TTN: variants seen among roughly 807,000 people sequenced by gnomAD.
TTN encodes connectin.
Under a neutral mutation model 3,223.0 loss-of-function variants are expected in TTN, and 1,525 were observed. The observed-to-expected ratio is 0.47, with a 90% CI of 0.45 to 0.49. The LOEUF (loss-of-function observed/expected upper bound fraction) is 0.49, where lower values mean the gene tolerates loss of function less well. Ranked by LOEUF, TTN falls within the 20% of genes least tolerant of loss-of-function variation. The pLI, the probability that TTN is intolerant of heterozygous loss-of-function variation, is 0.00. For synonymous variants in TTN, 14,094 were observed against 15,161.0 expected, an observed-to-expected ratio of 0.93 and a Z score of 5.17; for missense variants, 40,786 against 43,424.0, an observed-to-expected ratio of 0.94 and a Z score of 5.40.
At position 178,717,207 on chromosome 2, in the gene TTN, A is replaced by G. The variant is rs753902055; in HGVS notation, c.25527T>C (p.Asn8509=). The G allele has an allele frequency of 3.1e-6, 5 of 1,613,436 alleles. No homozygotes were observed. Among genetic ancestry groups the G allele is most frequent in the South Asian group, 1.1e-5 (1 of 91,072 alleles). ...CTTTGAGAACTGTCAGAGTGGCAGT[A>G]TTTTCTACCAAAGTCATCTTGTAGT... is the stretch of plus-strand genomic sequence containing the variant. ...GGNYKMTLVE[N]TATLTVLKVG... Residue 8509 remains asparagine, a synonymous_variant, in exon 88 of 363, where the codon AAT becomes AAC. Coordinates refer to ENST00000589042, the MANE Select transcript of TTN (RefSeq NM_001267550.2).
chr2:178,789,314 A>T, intron 13 of TTN, 46 bp downstream of exon 13: 1 of 1,607,084 alleles, frequency 6.2e-7, no homozygotes, highest in Non-Finnish European at 8.5e-7. Context: ...ATGTGGTATT[A>T]ATGTATTATA....
In TTN at chr2:178,567,821, T is replaced by C; in HGVS notation, c.78311A>G (p.Glu26104Gly). 1 of 1,613,538 alleles carries C rather than the reference T, an allele frequency of 6.2e-7. No individual in the cohort carries two copies. The highest frequency in any genetic ancestry group is 8.5e-7 in the Non-Finnish European group (1 of 1,179,598). Residue 26104 changes from glutamate to glycine, a missense_variant, in exon 326 of 363, where the codon GAA becomes GGA. Glu to Gly is a moderately conservative substitution (Grantham distance 98). Transcript: ENST00000589042. ...TPEPIMVKRN[E>G]ITLQWTKPVY... The stretch of plus-strand genomic sequence containing the variant: ...AGGTTTGGTCCACTGTAAAGTGATT[T>C]CATTTCTTTTAACCATTATTGGTTC...
chr2:178,799,340 C>T (rs2093932414), intron 6 of TTN, 147 bp downstream of exon 6: 1 of 1,257,664 alleles, frequency 8.0e-7, no homozygotes, highest in Non-Finnish European at 1.1e-6. Flanking sequence ...CGTTTGTATG[C>T]TCCCCTAGAG....
At position 178,548,660 on chromosome 2, in the gene TTN, T is replaced by C. The variant is rs755136924; in HGVS notation, c.92966A>G (p.Asn30989Ser). ...AGTAAGGGTATATTTCCCTGCATCA[T>C]TTCTGTTGCAGTTTTCCACAGTGAG... is the stretch of plus-strand genomic sequence containing the variant. ...STLTVENCNR[N>S]DAGKYTLTVE... Residue 30989 changes from asparagine (N) to serine (S), a missense_variant, in exon 339 of 363, where the codon AAT becomes AGT. Physicochemically the swap from Asn to Ser is conservative, Grantham distance 46. Transcript: ENST00000589042. The surrounding 1 kb of genome is among the most constrained non-coding windows in gnomAD (Gnocchi z 4.3). 7 of 1,613,776 alleles carry C rather than the reference T, an allele frequency of 4.3e-6. No homozygotes were observed. Among genetic ancestry groups the C allele is most frequent in the African/African-American group, 1.3e-5 (1 of 74,934 alleles).
chr2:178,779,495 C>T (rs1239855291), intron 22 of TTN, 33 bp from the exon 23 acceptor site: 1 of 1,263,948 alleles, frequency 7.9e-7, no homozygotes, highest in Non-Finnish European at 1.1e-6. Flanking sequence ...GTTAAAAATA[C>T]ATATCCTTAC....
rs760571970 is a variant in TTN, at chr2:178,568,726, A to T, written c.77406T>A (p.Pro25802=). ...KDLVIEPDVK[P]AFSSYSVQVG... ...CCTGTACACTGTAACTACTGAATGC[A>T]GGTTTTACATCTGGCTCAATTACCA... Residue 25802 remains proline (P), a synonymous_variant, in exon 326 of 363, where the codon CCT becomes CCA. Coordinates refer to ENST00000589042, the MANE Select transcript of TTN (RefSeq NM_001267550.2). 9.9e-6 allele frequency: 16 copies of T among 1,613,230 alleles called. No individual in the cohort carries two copies. Among genetic ancestry groups the T allele is most frequent in the Non-Finnish European group, 1.4e-5 (16 of 1,179,518 alleles).
chr2:178,617,401 A>G lies in TTN; in HGVS notation c.47684T>C (p.Ile15895Thr), dbSNP rs768530598. Residue 15895 changes from isoleucine to threonine, a missense_variant, in exon 254 of 363, where the codon ATA becomes ACA. Ile to Thr is a moderately conservative substitution (Grantham distance 89). Coordinates refer to ENST00000589042, the MANE Select transcript of TTN (RefSeq NM_001267550.2). The part of the protein sequence containing the change: ...KDGGSPILGY[I>T]IERCEEGKDN... ...TTTTCCTTCTTCGCATCGCTCAATT[A>G]TATAGCCTAATATTGGGCTTCCTCC... The G allele has an allele frequency of 8.8e-6, 14 of 1,588,060 alleles. No individual in the cohort carries two copies. Among genetic ancestry groups the G allele is most frequent in the Admixed American group, 1.9e-5 (1 of 53,770 alleles).
rs2093690597 is a variant in TTN at position 178,794,989 on chromosome 2, C to T, written c.1178G>A (p.Gly393Asp). 6.2e-7 allele frequency: 1 copy of T among 1,608,604 alleles called. No homozygotes were observed. Among genetic ancestry groups the T allele is most frequent in the Non-Finnish European group, 8.5e-7 (1 of 1,179,970 alleles). Residue 393 changes from glycine (G) to aspartate (D), a missense_variant, in exon 7 of 363, where the codon GGT (glycine) becomes GAT (aspartate). Physicochemically the swap from Gly to Asp is moderately conservative, Grantham distance 94. Transcript: ENST00000589042. The part of the protein sequence containing the change: ...QEQVTISGAA[G>D]AAASVSASAS... ...ACTGGCCGACACACTGGCGGCAGCA[C>T]CCGCAGCACCACTGATGGTCACTTG...
rs139054950 is a variant in TTN, at chr2:178,776,866, T to A, written c.4998A>T (p.Thr1666=). The part of the protein sequence containing the change: ...PERKLIIPRG[T]YRAKEIAAPE... The stretch of plus-strand genomic sequence containing the variant: ...GGGCTGCAATCTCCTTTGCTCTATA[T>A]GTCCCCCGTGGGATGATTAACTTTC... Residue 1666 remains threonine (T), a synonymous_variant, in exon 28 of 363, where the codon ACA becomes ACT. Coordinates refer to ENST00000589042, the MANE Select transcript of TTN (RefSeq NM_001267550.2). The A allele has an allele frequency of 1.8e-5, 29 of 1,613,676 alleles. 1 individual carries two copies. The African/African-American group carries it at 3.2e-4, about 18-fold the overall frequency.
At chr2:178,798,196 C>T (rs1489240099) in intron 6 of TTN, among the ~76,000 whole-genome samples, 1 of 152,064 alleles carries the variant, frequency 6.6e-6, no homozygotes, top group Non-Finnish European at 1.5e-5. Flanking sequence ...TCAACTATCT[C>T]CTTATTATTC....
Position 178,775,909 on chromosome 2 carries a change from A to T in TTN, c.5955T>A (p.Ile1985=). ...EVVKLKRAER[I]THEKVPEESE... The stretch of plus-strand genomic sequence containing the variant: ...ACTCTTCAGGCACTTTTTCATGGGT[A>T]ATTCTTTCAGCCCTTTTCAACTTCA... The change falls in exon 28 of 363, where the codon ATT becomes ATA. Residue 1985 remains isoleucine, a synonymous_variant. Transcript: ENST00000589042. 6.2e-7 allele frequency: 1 copy of T among 1,614,056 alleles called. No homozygotes were observed. Among genetic ancestry groups the T allele is most frequent in the South Asian group, 1.1e-5 (1 of 91,064 alleles).
At chr2:178,721,280 C>A (rs139489976) in intron 78 of TTN, 78 bp from the exon 79 acceptor site, 28 of 1,221,488 alleles carry the variant, frequency 2.3e-5, no homozygotes, top group Admixed American at 3.5e-5. Context: ...AGCTGAAGAT[C>A]CCATAAATTT....
chr2:178,650,647 T>C (rs757696123), intron 209 of TTN, 104 bp downstream of exon 209: 3 of 1,131,696 alleles, frequency 2.7e-6, no homozygotes, highest in Non-Finnish European at 3.7e-6. Context: ...AATTAAAGGT[T>C]AGAAAATGAC....
At position 178,621,840 on chromosome 2, in the gene TTN, C is replaced by T. The variant is rs1159016407; in HGVS notation, c.45082G>A (p.Glu15028Lys). ...TCACAAAGAATGACTTTACTCTTACCCAGAACTGTCAGCATGCCAGAAGTT... is the reference window on the plus strand; with the variant it reads ...TCACAAAGAATGACTTTACTCTTACTCAGAACTGTCAGCATGCCAGAAGTT... ...ARTSGMLTVL[E>K]EEAVFTKNLA... The change falls in exon 244 of 363, where the codon GAA becomes AAA. Residue 15028 changes from glutamate to lysine, a missense_variant and splice_region_variant. Glu to Lys is a moderately conservative substitution (Grantham distance 56). Coordinates refer to ENST00000589042, the MANE Select transcript of TTN (RefSeq NM_001267550.2). 2 of 1,611,896 alleles carry T rather than the reference C, an allele frequency of 1.2e-6. No homozygotes were observed. The highest frequency in any genetic ancestry group is 2.2e-5 in the South Asian group (2 of 90,954).
At chr2:178,785,388 T>C (rs1433804595) in intron 15 of TTN, among the ~76,000 whole-genome samples, 4 of 152,144 alleles carry the variant, frequency 2.6e-5, no homozygotes, top group Non-Finnish European at 5.9e-5. Context: ...TGTGTGGATT[T>C]GTCTCTCCTC....
In TTN at chr2:178,681,723, A is replaced by G; in HGVS notation, c.33110T>C (p.Ile11037Thr). The G allele has an allele frequency of 6.3e-7, 1 of 1,599,108 alleles. No individual in the cohort carries two copies. ...TTCTTCTGGGACAGGCTTTACAGGG[A>G]TAGGCTTCTCTGGTTCTTTAAAAGT... ...EEYITEPEKP[I>T]PVKPVPEEPV... The change falls in exon 136 of 363, where the codon ATC becomes ACC. Residue 11037 changes from isoleucine to threonine, a missense_variant. Transcript: ENST00000589042.
intron 24 of TTN, 159 bp from the exon 25 acceptor site, chr2:178,778,134 T>C: frequency 1.1e-6 from 1 of 924,826 alleles, no homozygotes; most frequent in Non-Finnish European, 1.6e-6. Context: ...ATAGAATATA[T>C]TATTGTTGCC....
At chr2:178,527,382 G>A in intron 362 of TTN, 64 bp downstream of exon 362, 1 of 1,576,308 alleles carries the variant, frequency 6.3e-7, no homozygotes. Flanking sequence ...ACTGAATTGT[G>A]TGTACTAAAG....
At chr2:178,768,343 A>G (rs1414858270) in intron 38 of TTN, among the ~76,000 whole-genome samples, 188 bp from the exon 39 acceptor site, 1 of 152,190 alleles carries the variant, frequency 6.6e-6, no homozygotes, top group Non-Finnish European at 1.5e-5. Context: ...ACCCTTAGCC[A>G]TCACCCCAAG....
Sources: gnomAD v4.1 joint callset for allele counts (sites outside exome capture counted in the v4.1 genomes callset) on GRCh38, gnomAD v4.1.1 for gene constraint, Gnocchi (gnomAD v3.1) non-coding constraint, MANE v1.5 for transcripts, NCBI Gene and HGNC (gene_info 2026-07-23, HGNC 2026-07-21) for gene names.